The following KCNN3 variants were observed in gnomAD, a reference collection of about 807,000 sequenced individuals.
The protein encoded by KCNN3 is small conductance calcium-activated potassium channel protein 3.
In KCNN3, 16 loss-of-function variants were observed where a neutral mutation model predicts 62.9. The observed-to-expected ratio is 0.25, with a 90% CI of 0.17 to 0.39. KCNN3 has a LOEUF of 0.39. Ranked by LOEUF, KCNN3 falls within the 10% of genes least tolerant of loss-of-function variation. The probability of loss-of-function intolerance (pLI) is 1.00; values close to 1 mark genes in which losing one functional copy is unlikely to be tolerated. For missense variants in KCNN3, 599 were observed against 949.4 expected (o/e 0.63, Z 4.85); for synonymous variants, 370 against 389.2 (o/e 0.95, Z 0.58).
Position 154,737,213 on chromosome 1 carries a change from G to GT in KCNN3, c.1449-4070_1449-4069insA. Reference sequence around the variant, plus strand: ...TTTTTGCAATAGAAAATTTGGGGGGGGGGGATAGCTCCATGTTTTTCTTTA... The same window carrying GT: ...TTTTTGCAATAGAAAATTTGGGGGGGTGGGGATAGCTCCATGTTTTTCTTTA... On this transcript the variant is annotated intron_variant, in intron 3 of 7. Coordinates refer to ENST00000271915, the MANE Select transcript of KCNN3 (RefSeq NM_002249.6). 2 of 274,810 alleles carry GT rather than the reference G, an allele frequency of 7.3e-6. 1 individual carries two copies. Among genetic ancestry groups the GT allele is most frequent in the Non-Finnish European group, 1.5e-5 (2 of 134,942 alleles). The allele number at this position is 274,810 out of a possible 1,614,324, so 17.0% of individuals were successfully genotyped here.
At chr1:154,825,845 G>A (rs1368266813) in intron 1 of KCNN3, among the ~76,000 whole-genome samples, 2 of 150,928 alleles carry the variant, frequency 1.3e-5, no homozygotes, top group South Asian at 4.2e-4. Flanking sequence ...TCAGGAGATC[G>A]AGACCATCCT....
At position 154,755,504 on chromosome 1, in the gene KCNN3, G is replaced by GAAGA. The variant is rs142240424; in HGVS notation, c.1448+16467_1448+16470dup. Among the ~76,000 whole-genome samples the GAAGA allele has an allele frequency of 1.2e-3, 136 of 109,894 alleles. 2 individuals are homozygous for GAAGA. Among genetic ancestry groups the GAAGA allele is most frequent in the Middle Eastern group, 8.2e-3 (2 of 244 alleles). The allele number at this position is 109,894 out of a possible 152,430, so 72.1% of individuals were successfully genotyped here. ...GGAAGGAAGAAAGGGAGAAAGAAAG[G>GAAGA]AAGAAAGAAAGAAAGAAAGAAAGAA... On this transcript the variant is annotated intron_variant, in intron 3 of 7. Transcript: ENST00000271915.
rs1699804951 is a variant in KCNN3, at chr1:154,699,349, T to C, written c.*8627A>G. On this transcript the variant is annotated 3_prime_UTR_variant, in exon 8 of 8. Coordinates refer to ENST00000271915, the MANE Select transcript of KCNN3 (RefSeq NM_002249.6). ...GAGCTGTGAATAGCAATATGATATA[T>C]TATGAAGCATTTATATATGTATGTA... 6.6e-6 allele frequency: 1 copy of C among 152,118 alleles called. No homozygotes were observed. The highest frequency in any genetic ancestry group is 1.5e-5 in the Non-Finnish European group (1 of 68,032). 9.4% of individuals were successfully genotyped at this position (152,118 alleles called of 1,614,324 possible).
intron 2 of KCNN3, among the ~76,000 whole-genome samples, chr1:154,803,479 A>G (rs1316337301): frequency 6.6e-6 from 1 of 152,220 alleles, no homozygotes; most frequent in Non-Finnish European, 1.5e-5. Flanking sequence ...CACGTTCATC[A>G]ACATCTGTCT....
intron 2 of KCNN3, among the ~76,000 whole-genome samples, chr1:154,810,936 C>T (rs1190131587): frequency 6.6e-6 from 1 of 152,274 alleles, no homozygotes; most frequent in Non-Finnish European, 1.5e-5. Flanking sequence ...CCTCTGCCCT[C>T]ACCAGCCACA....
intron 2 of KCNN3, among the ~76,000 whole-genome samples, chr1:154,818,224 G>A (rs917160876): frequency 6.6e-6 from 1 of 152,126 alleles, no homozygotes; most frequent in African/African-American, 2.4e-5. Flanking sequence ...GATGGGGTGG[G>A]GTGCCATCTT....
chr1:154,713,835 G>T (rs987713683), intron 6 of KCNN3, among the ~76,000 whole-genome samples: 1 of 150,060 alleles, frequency 6.7e-6, no homozygotes, highest in Admixed American at 6.7e-5. Flanking sequence ...AACTTTTCAG[G>T]GATTCCCCAA....
chr1:154,756,159 G>GAAGAAGAA (rs1481024065), intron 3 of KCNN3, among the ~76,000 whole-genome samples: 2 of 83,436 alleles, frequency 2.4e-5, no homozygotes, highest in African/African-American at 4.6e-5. Context: ...AGAAGGAGGA[G>GAAGAAGAA]AAGAAGAAGA....
At chr1:154,761,019 G>A (rs1647986675) in intron 3 of KCNN3, among the ~76,000 whole-genome samples, 1 of 152,240 alleles carries the variant, frequency 6.6e-6, no homozygotes. Flanking sequence ...TCCACCCCGC[G>A]TTGATGTAAA....
intron 5 of KCNN3, among the ~76,000 whole-genome samples, chr1:154,719,349 T>A (rs1353200479): frequency 1.3e-5 from 2 of 152,164 alleles, no homozygotes; most frequent in Non-Finnish European, 2.9e-5. Flanking sequence ...TGTGTGAACA[T>A]CACAGAGTGT....
chr1:154,814,660 T>C (rs1106236), intron 2 of KCNN3, among the ~76,000 whole-genome samples: 58,397 of 152,132 alleles, frequency 0.38, 11,509 homozygotes, highest in Middle Eastern at 0.53. Context: ...CTAGACAAGA[T>C]GTGGCCACAC....
At chr1:154,759,596 C>G (rs1647907196) in intron 3 of KCNN3, among the ~76,000 whole-genome samples, 1 of 152,174 alleles carries the variant, frequency 6.6e-6, no homozygotes, top group African/African-American at 2.4e-5. Context: ...TCCTACACAC[C>G]CAGCATGGCA....
At chr1:154,780,200 T>TC (rs1363727554) in intron 2 of KCNN3, among the ~76,000 whole-genome samples, 2 of 62,420 alleles carry the variant, frequency 3.2e-5, no homozygotes, top group African/African-American at 4.8e-5. Context: ...TTTTCTTTTT[T>TC]TTTTTTTTTT....
chr1:154,829,829 G>C (rs1240410150), intron 1 of KCNN3, among the ~76,000 whole-genome samples: 4 of 152,086 alleles, frequency 2.6e-5, no homozygotes, highest in African/African-American at 7.2e-5. Context: ...GTCTGCCCTG[G>C]GCCCCACACC....
chr1:154,857,991 C>T (rs920133514), intron 1 of KCNN3, among the ~76,000 whole-genome samples: 10 of 152,282 alleles, frequency 6.6e-5, no homozygotes, highest in East Asian at 1.9e-4. Context: ...TGATCCCGTC[C>T]ACCCACCAGG....
intron 3 of KCNN3, among the ~76,000 whole-genome samples, chr1:154,756,419 A>G (rs1478129422): frequency 6.6e-6 from 1 of 152,180 alleles, no homozygotes; most frequent in African/African-American, 2.4e-5. Context: ...TCAACCCCAC[A>G]ACATGGCACT....
intron 4 of KCNN3, 37 bp from the exon 5 acceptor site, chr1:154,726,063 A>G (rs2101782672): frequency 6.7e-7 from 1 of 1,501,706 alleles, no homozygotes; most frequent in East Asian, 2.3e-5. Context: ...AGGGGAAAGA[A>G]CATATCATTA....
chr1:154,740,791 C>T (rs571856653), intron 3 of KCNN3, among the ~76,000 whole-genome samples: 23 of 152,294 alleles, frequency 1.5e-4, no homozygotes, highest in Admixed American at 2.6e-4. Flanking sequence ...TCTTCTGTGG[C>T]GTGTCATTCA....
chr1:154,833,751 G>A (rs574323449), intron 1 of KCNN3, among the ~76,000 whole-genome samples: 66 of 152,320 alleles, frequency 4.3e-4, no homozygotes, highest in African/African-American at 1.6e-3. Flanking sequence ...ACAGGCCCCT[G>A]TCTTAGTCCT....
Sources: allele counts gnomAD v4.1 joint callset (sites outside exome capture counted in the v4.1 genomes callset), GRCh38; gene constraint gnomAD v4.1.1; transcripts MANE v1.5; gene names NCBI Gene and HGNC (gene_info 2026-07-23, HGNC 2026-07-21).